TIMM10: variants seen among roughly 807,000 people sequenced by gnomAD.
TIMM10 encodes the protein mitochondrial import inner membrane translocase subunit Tim10.
A neutral mutation model predicts 9.1 loss-of-function variants in TIMM10; 13 were observed. The ratio of observed to expected loss-of-function variants is 1.42; its 90% CI spans 0.93 to 2.26. The LOEUF is 2.26. Ranked by LOEUF, TIMM10 falls within the 30% of genes most tolerant of loss-of-function variation. TIMM10 has a pLI of 0.00. For missense variants in TIMM10, 82 were observed against 113.6 expected, an observed-to-expected ratio of 0.72 and a Z score of 1.26; for synonymous variants, 40 against 42.1, an observed-to-expected ratio of 0.95 and a Z score of 0.20.
In TIMM10 at chr11:57,528,483, TTA is replaced by T. The variant is rs10547275; in HGVS notation, c.*232_*233del. On this transcript the variant is annotated 3_prime_UTR_variant, in exon 3 of 3. Transcript: ENST00000257245. ...ACATAGTAGGTGTCAACAAACTTGT[TTA>T]TATATATATATATATATATATATAT... 3.2e-3 allele frequency: 482 copies of T among 150,290 alleles called. 3 individuals are homozygous for T. Among genetic ancestry groups the T allele is most frequent in the African/African-American group, 7.6e-3 (291 of 38,386 alleles). The allele number at this position is 150,290 out of a possible 1,614,324, so 9.3% of individuals were successfully genotyped here. A position where few individuals can be genotyped will look rare whatever the true frequency, so the allele number is the denominator to read the frequency against.
At position 57,528,909 on chromosome 11, in the gene TIMM10, A is replaced by G; in HGVS notation, c.81T>C (p.Ser27=). 1 of 1,613,128 alleles carries G rather than the reference A, an allele frequency of 6.2e-7. No homozygotes were observed. The highest frequency in any genetic ancestry group is 8.5e-7 in the Non-Finnish European group (1 of 1,179,996). Residue 27 remains serine (S), a synonymous_variant, in exon 3 of 3, where the codon AGT becomes AGC. Transcript: ENST00000257245. ...GAGGCACACACTTCCGGTGGCAGGCACTGGTCATTCTGGAGGGAGGGAGGG... is the reference window on the plus strand; with the variant it reads ...GAGGCACACACTTCCGGTGGCAGGCGCTGGTCATTCTGGAGGGAGGGAGGG... The part of the protein sequence containing the change: ...MMADMYNRMT[S]ACHRKCVPPH...
At position 57,528,770 on chromosome 11, in the gene TIMM10, T is replaced by C. The variant is rs1944773326; in HGVS notation, c.220A>G (p.Met74Val). The C allele has an allele frequency of 1.2e-6, 2 of 1,614,080 alleles. No individual in the cohort carries two copies. Among genetic ancestry groups the C allele is most frequent in the East Asian group, 2.2e-5 (1 of 44,868 alleles). ...CTCTTCATCAGCTCTTCATCCTGCA[T>C]AGACAACTCTGTCAACTTTTTGCCC... ...RMGKKLTELS[M>V]QDEELMKRVQ... is the part of the protein sequence containing the mutation. The change falls in exon 3 of 3, where the codon ATG (methionine) becomes GTG (valine). Residue 74 changes from methionine to valine, a missense_variant. By Grantham distance (21) the Met-to-Val change is conservative. Coordinates refer to ENST00000257245, the MANE Select transcript of TIMM10 (RefSeq NM_012456.3).
In TIMM10 at chr11:57,528,802, T is replaced by C. The variant is rs1455412463; in HGVS notation, c.188A>G (p.Glu63Gly). The C allele has an allele frequency of 6.2e-7, 1 of 1,614,008 alleles. No individual in the cohort carries two copies. The highest frequency in any genetic ancestry group is 1.3e-5 in the African/African-American group (1 of 74,910). ...CTCTGTCAACTTTTTGCCCATCCGC[T>C]CATGGATGTCCAGGTACTTAGAGAC... is the stretch of plus-strand genomic sequence containing the variant. ...RCVSKYLDIH[E>G]RMGKKLTELS... Residue 63 changes from glutamate to glycine, a missense_variant, in exon 3 of 3, where the codon GAG becomes GGG. By Grantham distance (98) the Glu-to-Gly change is moderately conservative. Coordinates refer to ENST00000257245, the MANE Select transcript of TIMM10 (RefSeq NM_012456.3).
At chr11:57,529,485 T>C (rs912229424) in intron 2 of TIMM10, among the ~76,000 whole-genome samples, 5 of 152,238 alleles carry the variant, frequency 3.3e-5, no homozygotes, top group Admixed American at 2.6e-4. Context: ...TAGGTATCAT[T>C]ATGTCTTCTT....
At position 57,528,483 on chromosome 11, in the gene TIMM10, TTATATATATATATATATATATATA is replaced by T. The variant is rs10547275; in HGVS notation, c.*210_*233del. On this transcript the variant is annotated 3_prime_UTR_variant, in exon 3 of 3. Transcript: ENST00000257245. ...ACATAGTAGGTGTCAACAAACTTGT[TTATATATATATATATATATATATA>T]TATATATATACACATACATACACAC... The T allele has an allele frequency of 4.3e-4, 64 of 150,344 alleles. 8 individuals are homozygous for T. Among genetic ancestry groups the T allele is most frequent in the Non-Finnish European group, 7.6e-4 (55 of 72,478 alleles). 9.3% of individuals were successfully genotyped at this position (150,344 alleles called of 1,614,324 possible).
At position 57,528,483 on chromosome 11, in the gene TIMM10, TTATATATATATATATA is replaced by T. The variant is rs10547275; in HGVS notation, c.*218_*233del. The T allele has an allele frequency of 9.3e-5, 14 of 150,344 alleles. No homozygotes were observed. The highest frequency in any genetic ancestry group is 2.3e-4 in the African/African-American group (9 of 38,338). 9.3% of individuals were successfully genotyped at this position (150,344 alleles called of 1,614,324 possible). ...ACATAGTAGGTGTCAACAAACTTGT[TTATATATATATATATA>T]TATATATATATATATATACACATAC... On this transcript the variant is annotated 3_prime_UTR_variant, in exon 3 of 3. Transcript: ENST00000257245.
At chr11:57,530,331 C>T in intron 1 of TIMM10, 97 bp from the exon 2 acceptor site, 2 of 739,196 alleles carry the variant, frequency 2.7e-6, no homozygotes, top group South Asian at 1.6e-5. Context: ...GCCAGACCAC[C>T]ACGGGCCACT....
chr11:57,529,885 C>A (rs887008419), intron 2 of TIMM10, among the ~76,000 whole-genome samples: 2 of 152,196 alleles, frequency 1.3e-5, no homozygotes, highest in Non-Finnish European at 2.9e-5. Context: ...TGGAGTTTCT[C>A]TTCCTGCTTG....
At chr11:57,530,054 T>C in intron 2 of TIMM10, 65 bp downstream of exon 2, 1 of 1,572,258 alleles carries the variant, frequency 6.4e-7, no homozygotes, top group South Asian at 1.1e-5. Flanking sequence ...TCATAAGTCA[T>C]TCACCTTCGA....
rs572249112 is a variant in TIMM10 at position 57,530,354 on chromosome 11, C to A, written c.-45-120G>T. On this transcript the variant is annotated intron_variant, in intron 1 of 2. Coordinates refer to ENST00000257245, the MANE Select transcript of TIMM10 (RefSeq NM_012456.3). ...ACCACGGGCCACTAACCTCAGTGAG[C>A]TTAACCACCCCATTTCACGGATGTG... The A allele has an allele frequency of 2.8e-4, 170 of 614,738 alleles. 2 individuals are homozygous for A. The South Asian group carries it at 3.2e-3, about 11-fold the overall frequency. The allele number at this position is 614,738 out of a possible 1,614,324, so 38.1% of individuals were successfully genotyped here.
chr11:57,528,648 C>A lies in TIMM10; in HGVS notation c.*69G>T. On this transcript the variant is annotated 3_prime_UTR_variant, in exon 3 of 3. Transcript: ENST00000257245. ...CCTGGCAGTCTTCACAGATGACACC[C>A]AACAGGGAGCACGTTTATTAAAGTG... The A allele has an allele frequency of 6.5e-7, 1 of 1,536,248 alleles. No individual in the cohort carries two copies. Among genetic ancestry groups the A allele is most frequent in the East Asian group, 2.3e-5 (1 of 44,152 alleles).
At chr11:57,530,037 G>C in intron 2 of TIMM10, 82 bp downstream of exon 2, 1 of 1,513,520 alleles carries the variant, frequency 6.6e-7, no homozygotes, top group Non-Finnish European at 9.2e-7. Flanking sequence ...ATTCAGGAAG[G>C]AATTTGTCAT....
intron 1 of TIMM10, 117 bp downstream of exon 1, chr11:57,530,541 G>A: frequency 7.2e-6 from 2 of 278,118 alleles, no homozygotes; most frequent in South Asian, 4.5e-5. Flanking sequence ...CCAGGGCCCT[G>A]GGAATGGGAT....
At chr11:57,529,335 T>C (rs1163763691) in intron 2 of TIMM10, among the ~76,000 whole-genome samples, 1 of 152,222 alleles carries the variant, frequency 6.6e-6, no homozygotes, top group Admixed American at 6.5e-5. Flanking sequence ...AAAATCCTTC[T>C]AATTTATAGC....
chr11:57,528,627 G>C lies in TIMM10; in HGVS notation c.*90C>G. 1.5e-6 allele frequency: 2 copies of C among 1,316,604 alleles called. No homozygotes were observed. The highest frequency in any genetic ancestry group is 2.5e-5 in the South Asian group (2 of 78,756). The allele number at this position is 1,316,604 out of a possible 1,614,324, so 81.6% of individuals were successfully genotyped here. On this transcript the variant is annotated 3_prime_UTR_variant, in exon 3 of 3. Transcript: ENST00000257245. ...ACTCTCTACAGAGAGCCTAGGCCTG[G>C]CAGTCTTCACAGATGACACCCAACA...
chr11:57,529,487 T>C (rs1327696506), intron 2 of TIMM10, among the ~76,000 whole-genome samples: 1 of 152,258 alleles, frequency 6.6e-6, no homozygotes, highest in Non-Finnish European at 1.5e-5. Flanking sequence ...GGTATCATTA[T>C]GTCTTCTTCA....
intron 1 of TIMM10, 106 bp downstream of exon 1, chr11:57,530,552 C>T: frequency 3.8e-6 from 1 of 263,156 alleles, no homozygotes; most frequent in Admixed American, 4.4e-5. Context: ...GGAATGGGAT[C>T]ATACGCTGAA....
At chr11:57,529,015 C>T in intron 2 of TIMM10, 97 bp from the exon 3 acceptor site, 1 of 1,300,302 alleles carries the variant, frequency 7.7e-7, no homozygotes. Flanking sequence ...TCACCTCCCC[C>T]AAGAAAGCAG....
At chr11:57,528,942 C>G (rs201938958) in intron 2 of TIMM10, 24 bp from the exon 3 acceptor site, 3 of 1,611,528 alleles carry the variant, frequency 1.9e-6, no homozygotes, top group Admixed American at 3.3e-5. Context: ...GGGGCAAGGT[C>G]ATGTCAGCAG....
Sources: gnomAD v4.1 joint callset for allele counts (sites outside exome capture counted in the v4.1 genomes callset) on GRCh38, gnomAD v4.1.1 for gene constraint, MANE v1.5 for transcripts, NCBI Gene and HGNC (gene_info 2026-07-23, HGNC 2026-07-21) for gene names.